Variants in TMEM38A observed in about 807,000 individuals in gnomAD.
TMEM38A encodes the protein transmembrane protein 38A, also known as trimeric intracellular cation channel type A.
In TMEM38A, 17 loss-of-function variants were observed where a neutral mutation model predicts 28.6. The ratio of observed to expected loss-of-function variants is 0.60; its 90% confidence interval spans 0.41 to 0.89. The LOEUF is 0.89. Among genes scored for constraint, TMEM38A ranks in the 40% least tolerant of loss-of-function variants. The probability of loss-of-function intolerance (pLI) is 0.00; values close to 1 mark genes in which losing one functional copy is unlikely to be tolerated. For synonymous variants in TMEM38A, 169 were observed against 166.1 expected (o/e 1.02, Z -0.14); for missense variants, 328 against 393.1 (o/e 0.83, Z 1.40).
intron 1 of TMEM38A, among the ~76,000 whole-genome samples, chr19:16,670,918 G>A (rs544599239): frequency 1.3e-4 from 19 of 151,968 alleles, no homozygotes; most frequent in Admixed American, 2.0e-4. Context: ...CAGCCTGGGC[G>A]ACAGAGCAAG....
At chr19:16,674,284 C>T (rs1041196781) in intron 1 of TMEM38A, among the ~76,000 whole-genome samples, 6 of 150,022 alleles carry the variant, frequency 4.0e-5, no homozygotes, top group South Asian at 2.1e-4. Context: ...ACTTGGGAGG[C>T]TGAGGCAGGA....
chr19:16,676,233 G>A (rs2122588099), intron 1 of TMEM38A, among the ~76,000 whole-genome samples: 1 of 133,954 alleles, frequency 7.5e-6, no homozygotes, highest in East Asian at 1.9e-4. Flanking sequence ...GCGGGTGCCT[G>A]TAGTCCCAGC....
At chr19:16,674,366 C>T (rs1458728963) in intron 1 of TMEM38A, among the ~76,000 whole-genome samples, 9 of 133,198 alleles carry the variant, frequency 6.8e-5, no homozygotes, top group African/African-American at 1.2e-4. Flanking sequence ...CCAGCCTGGG[C>T]GACAGAGCAA....
At position 16,682,470 on chromosome 19, in the gene TMEM38A, C is replaced by G; in HGVS notation, c.516C>G (p.Val172=). 1 of 1,613,910 alleles carries G rather than the reference C, an allele frequency of 6.2e-7. No homozygotes were observed. Among genetic ancestry groups the G allele is most frequent in the African/African-American group, 1.3e-5 (1 of 74,928 alleles). Residue 172 remains valine (V), a synonymous_variant, in exon 4 of 6, where the codon GTC becomes GTG. Coordinates refer to ENST00000187762, the MANE Select transcript of TMEM38A (RefSeq NM_024074.4). ...ACTTTGAGCAGCTGCTCCGAGGGGTCTGGAAGCCAGAGACCAACGAGATCC... is the reference window on the plus strand; with the variant it reads ...ACTTTGAGCAGCTGCTCCGAGGGGTGTGGAAGCCAGAGACCAACGAGATCC... ...MSNFEQLLRG[V]WKPETNEILH... is the part of the protein sequence containing the mutation.
chr19:16,685,487 G>A (rs1442444914), intron 4 of TMEM38A, among the ~76,000 whole-genome samples: 1 of 152,198 alleles, frequency 6.6e-6, no homozygotes, highest in Non-Finnish European at 1.5e-5. Flanking sequence ...GGAATCATGT[G>A]GACAGGGCTT....
In TMEM38A at chr19:16,680,527, C is replaced by T. The variant is rs199591666; in HGVS notation, c.412C>T (p.His138Tyr). Residue 138 changes from histidine to tyrosine, a missense_variant, in exon 3 of 6, where the codon CAT becomes TAT. Transcript: ENST00000187762. ...GATCGCGGTGGGCATCCATCACGCCCATCACCACTACCACCACGGGTGGTT... is the reference window on the plus strand; with the variant it reads ...GATCGCGGTGGGCATCCATCACGCCTATCACCACTACCACCACGGGTGGTT... The part of the protein sequence containing the change: ...RKIAVGIHHA[H>Y]HHYHHGWFVM... 61 of 1,614,048 alleles carry T rather than the reference C, an allele frequency of 3.8e-5. No individual in the cohort carries two copies. The highest frequency in any genetic ancestry group is 5.0e-5 in the Non-Finnish European group (59 of 1,180,040).
At chr19:16,671,165 G>C (rs903456782) in intron 1 of TMEM38A, among the ~76,000 whole-genome samples, 1 of 147,292 alleles carries the variant, frequency 6.8e-6, no homozygotes, top group African/African-American at 2.5e-5. Flanking sequence ...CCCATCAAGA[G>C]AAACCAAGGA....
At chr19:16,679,307 G>A (rs1462186594) in intron 1 of TMEM38A, among the ~76,000 whole-genome samples, 1 of 144,092 alleles carries the variant, frequency 6.9e-6, no homozygotes, top group Admixed American at 7.1e-5. Context: ...GTATGTGTGT[G>A]TTTTAGATGG....
intron 1 of TMEM38A, among the ~76,000 whole-genome samples, chr19:16,676,414 T>C (rs2086751783): frequency 6.6e-6 from 1 of 152,220 alleles, no homozygotes; most frequent in Admixed American, 6.5e-5. Flanking sequence ...CAATACTGAC[T>C]GTAGTTTTCA....
intron 1 of TMEM38A, among the ~76,000 whole-genome samples, chr19:16,663,564 T>C (rs1261081380): frequency 1.3e-5 from 2 of 151,446 alleles, no homozygotes; most frequent in African/African-American, 4.8e-5. Flanking sequence ...AGTCTCGCTC[T>C]GTCGCCCAGG....
intron 1 of TMEM38A, among the ~76,000 whole-genome samples, chr19:16,674,077 T>A (rs2086739163): frequency 7.3e-6 from 1 of 137,666 alleles, no homozygotes; most frequent in African/African-American, 2.8e-5. Context: ...CAGAGCGAGA[T>A]GCTGTCTCTT....
chr19:16,672,421 T>TA (rs372628008), intron 1 of TMEM38A, among the ~76,000 whole-genome samples: 52 of 143,478 alleles, frequency 3.6e-4, no homozygotes, highest in Non-Finnish European at 6.0e-4. Context: ...CTGATGAGCT[T>TA]AAAAAAAAAT....
chr19:16,663,778 C>T (rs950683940), intron 1 of TMEM38A, among the ~76,000 whole-genome samples: 6 of 151,702 alleles, frequency 4.0e-5, no homozygotes, highest in South Asian at 2.1e-4. Flanking sequence ...CCTTGTGATC[C>T]GCCTGCCTCG....
At chr19:16,666,979 A>G (rs2122576520) in intron 1 of TMEM38A, among the ~76,000 whole-genome samples, 1 of 150,244 alleles carries the variant, frequency 6.7e-6, no homozygotes, top group South Asian at 2.1e-4. Context: ...AAAGAAATGC[A>G]GAGTTCTGGC....
rs1323174811 is a variant in TMEM38A at position 16,679,983 on chromosome 19, G to A, written c.125-1G>A. The A allele has an allele frequency of 1.2e-6, 2 of 1,600,524 alleles. No individual in the cohort carries two copies. Among genetic ancestry groups the A allele is most frequent in the Non-Finnish European group, 1.7e-6 (2 of 1,177,060 alleles). ...ATGGGGGACACTCCTGTGCCTCCCA[G>A]GAGCAGTCGAACTGTCCCGGCGCCA... is the stretch of plus-strand genomic sequence containing the variant. On this transcript the variant is annotated splice_acceptor_variant, in intron 1 of 5. Transcript: ENST00000187762. LOFTEE classifies it high-confidence loss of function.
At position 16,680,031 on chromosome 19, in the gene TMEM38A, G is replaced by A. The variant is rs747299875; in HGVS notation, c.172G>A (p.Ala58Thr). The A allele has an allele frequency of 7.5e-6, 12 of 1,610,662 alleles. No homozygotes were observed. The highest frequency in any genetic ancestry group is 6.7e-5 in the East Asian group (3 of 44,884). The change falls in exon 2 of 6, where the codon GCC (alanine) becomes ACC (threonine). Residue 58 changes from alanine (A) to threonine (T), a missense_variant. Physicochemically the swap from Ala to Thr is moderately conservative, Grantham distance 58. Coordinates refer to ENST00000187762, the MANE Select transcript of TMEM38A (RefSeq NM_024074.4). ...CCACCCCATCGCGTCCTGGCTGTGC[G>A]CCATGCTGCATTGCTTCGGGAGCTA... is the stretch of plus-strand genomic sequence containing the variant. ...RRHPIASWLC[A>T]MLHCFGSYIL...
At chr19:16,681,545 A>G (rs553129613) in intron 3 of TMEM38A, among the ~76,000 whole-genome samples, 18 of 152,266 alleles carry the variant, frequency 1.2e-4, no homozygotes, top group African/African-American at 4.3e-4. Flanking sequence ...AGCAAGTGCC[A>G]AAAACCATTG....
chr19:16,666,225 C>G (rs2086702525), intron 1 of TMEM38A, among the ~76,000 whole-genome samples: 1 of 151,954 alleles, frequency 6.6e-6, no homozygotes, highest in Non-Finnish European at 1.5e-5. Flanking sequence ...GTGATCCGCC[C>G]ACCTTGGCCT....
chr19:16,674,441 TA>T (rs1014726205), intron 1 of TMEM38A, among the ~76,000 whole-genome samples: 23 of 151,318 alleles, frequency 1.5e-4, no homozygotes, highest in African/African-American at 5.3e-4. Flanking sequence ...ATGATGACTT[TA>T]TGTTTGCTAG....
Sources: gnomAD v4.1 joint callset for allele counts (sites outside exome capture counted in the v4.1 genomes callset) on GRCh38, gnomAD v4.1.1 for gene constraint, MANE v1.5 for transcripts, NCBI Gene and HGNC (gene_info 2026-07-23, HGNC 2026-07-21) for gene names.